Variants in EFHD1 observed in about 807,000 individuals in gnomAD.
The protein encoded by EFHD1 is EF-hand domain-containing protein D1.
In EFHD1, 10 loss-of-function variants were observed where a neutral mutation model predicts 17.2. That is an observed-to-expected ratio of 0.58 (90% CI 0.36 to 0.99). The LOEUF is 0.99. Among genes scored for constraint, EFHD1 ranks in the 50% least tolerant of loss-of-function variants. The pLI is 0.01. For synonymous variants in EFHD1, 153 were observed against 142.0 expected, an observed-to-expected ratio of 1.08 and a Z score of -0.55; for missense variants, 310 against 327.5, an observed-to-expected ratio of 0.95 and a Z score of 0.41.
chr2:232,609,137 G>T lies in EFHD1; in HGVS notation c.14+2964G>T, dbSNP rs931460224. 6.0e-5 allele frequency among the ~76,000 whole-genome samples: 8 copies of T among 133,168 alleles called. No homozygotes were observed. In the South Asian group the frequency reaches 1.9e-3, roughly 32 times the overall value. 87.4% of individuals were successfully genotyped at this position (133,168 alleles called of 152,430 possible). ...TGAAGTGGTGCAATCTCGGCTCACT[G>T]CACCCTCTGCCTCCTGGGTTCAGGT... On this transcript the variant is annotated intron_variant, in intron 1 of 3. Transcript: ENST00000409613.
At chr2:232,677,600 G>T (rs990205084) in intron 3 of EFHD1, among the ~76,000 whole-genome samples, 3 of 152,136 alleles carry the variant, frequency 2.0e-5, no homozygotes, top group Non-Finnish European at 4.4e-5. Flanking sequence ...GTGCATGTCT[G>T]TAGTCCCAGC....
At chr2:232,658,414 C>T (rs1038281818) in intron 1 of EFHD1, among the ~76,000 whole-genome samples, 1 of 152,170 alleles carries the variant, frequency 6.6e-6, no homozygotes, top group Non-Finnish European at 1.5e-5. Flanking sequence ...GGGCGTTGCT[C>T]ACCCTGAGTG....
chr2:232,665,927 T>C (rs1488816744), intron 2 of EFHD1, among the ~76,000 whole-genome samples: 1 of 152,092 alleles, frequency 6.6e-6, no homozygotes, highest in African/African-American at 2.4e-5. Flanking sequence ...GCTCAAACAA[T>C]CCTCCCACAT....
chr2:232,660,169 T>A (rs1051648728), intron 1 of EFHD1, among the ~76,000 whole-genome samples: 2 of 129,228 alleles, frequency 1.5e-5, no homozygotes, highest in Admixed American at 1.6e-4. Context: ...TTTGTGTTAT[T>A]TATTTATTTT....
intron 1 of EFHD1, among the ~76,000 whole-genome samples, chr2:232,636,442 G>A (rs1484165019): frequency 6.6e-6 from 1 of 152,214 alleles, no homozygotes; most frequent in Non-Finnish European, 1.5e-5. Flanking sequence ...TGTATGTGAT[G>A]CATTTAGCTC....
At chr2:232,631,055 G>A (rs537719426), upstream of EFHD1, among the ~76,000 whole-genome samples, 50 of 151,972 alleles carry the variant, frequency 3.3e-4, no homozygotes, top group South Asian at 1.5e-3. Flanking sequence ...GTGAAACCCC[G>A]TCTCTACTAA....
chr2:232,620,108 G>A (rs557348107), intron 1 of EFHD1, among the ~76,000 whole-genome samples: 6 of 151,624 alleles, frequency 4.0e-5, no homozygotes, highest in African/African-American at 1.5e-4. Flanking sequence ...CAGAGTCTCG[G>A]CCGGGCGCGG....
chr2:232,638,630 C>T (rs537436782), intron 1 of EFHD1: 12 of 321,808 alleles, frequency 3.7e-5, no homozygotes, highest in Non-Finnish European at 6.9e-5. Flanking sequence ...AGTGAGCCCT[C>T]TTAGGGAGGC....
intron 1 of EFHD1, among the ~76,000 whole-genome samples, chr2:232,617,745 C>T (rs1389343125): frequency 2.7e-5 from 4 of 150,392 alleles, no homozygotes; most frequent in African/African-American, 9.8e-5. Flanking sequence ...GGTGGATCAC[C>T]TGAGGTCAGG....
At chr2:232,642,173 A>G (rs1263374938) in intron 1 of EFHD1, among the ~76,000 whole-genome samples, 1 of 152,064 alleles carries the variant, frequency 6.6e-6, no homozygotes, top group Non-Finnish European at 1.5e-5. Flanking sequence ...TCACAAGGTC[A>G]GGAGCTTGGG....
At chr2:232,655,267 G>A (rs1261572548) in intron 1 of EFHD1, among the ~76,000 whole-genome samples, 1 of 152,114 alleles carries the variant, frequency 6.6e-6, no homozygotes, top group Non-Finnish European at 1.5e-5. Context: ...CAGTCCTCCT[G>A]CCTCAGCCTC....
At chr2:232,644,551 C>T (rs1254384077) in intron 1 of EFHD1, among the ~76,000 whole-genome samples, 1 of 151,208 alleles carries the variant, frequency 6.6e-6, no homozygotes, top group East Asian at 1.9e-4. Flanking sequence ...CTCACTCTGT[C>T]GCCCAGGCTG....
intron 1 of EFHD1, among the ~76,000 whole-genome samples, chr2:232,643,286 G>A (rs748726294): frequency 3.3e-5 from 5 of 152,172 alleles, no homozygotes; most frequent in Non-Finnish European, 5.9e-5. Flanking sequence ...ATCCGGGGTA[G>A]TTTCCATTCC....
At chr2:232,653,624 A>T (rs1694700421) in intron 1 of EFHD1, among the ~76,000 whole-genome samples, 1 of 152,172 alleles carries the variant, frequency 6.6e-6, no homozygotes, top group East Asian at 1.9e-4. Context: ...GGACTTAAAT[A>T]AAGGGAACTT....
chr2:232,665,002 C>T (rs543248297), intron 2 of EFHD1, among the ~76,000 whole-genome samples: 11 of 152,196 alleles, frequency 7.2e-5, no homozygotes, highest in African/African-American at 2.4e-4. Flanking sequence ...ACCCTTATCT[C>T]CCAGGCTCAA....
At chr2:232,677,486 G>C (rs1358713257) in intron 3 of EFHD1, among the ~76,000 whole-genome samples, 1 of 146,410 alleles carries the variant, frequency 6.8e-6, no homozygotes, top group African/African-American at 2.5e-5. Context: ...TTGGGAGGCT[G>C]AGGTGGGAGG....
chr2:232,614,139 T>A (rs1367174603), intron 1 of EFHD1, among the ~76,000 whole-genome samples: 1 of 151,050 alleles, frequency 6.6e-6, no homozygotes, highest in African/African-American at 2.4e-5. Context: ...TGTACACACA[T>A]ACATATACAC....
intron 1 of EFHD1, among the ~76,000 whole-genome samples, chr2:232,628,324 G>A (rs1559340554): frequency 6.6e-6 from 1 of 152,188 alleles, no homozygotes; most frequent in Admixed American, 6.5e-5. Context: ...ACCTCCCAAA[G>A]TGCTGGGATT....
intron 3 of EFHD1, among the ~76,000 whole-genome samples, chr2:232,675,266 A>AAAAG (rs960837829): frequency 1.6e-4 from 23 of 143,470 alleles, no homozygotes; most frequent in African/African-American, 4.5e-4. Context: ...AAAAGAAAAG[A>AAAAG]AAAGAAAGAA....
Sources: allele counts gnomAD v4.1 joint callset (sites outside exome capture counted in the v4.1 genomes callset), GRCh38; gene constraint gnomAD v4.1.1; transcripts MANE v1.5; gene names NCBI Gene and HGNC (gene_info 2026-07-23, HGNC 2026-07-21).